Variants in PHF20 observed in about 807,000 individuals in gnomAD.
The protein encoded by PHF20 is PHD finger protein 20, also known as glioma-expressed antigen 2.
PHF20 carries 23 observed loss-of-function variants against 113.5 expected under a neutral mutation model. That is an observed-to-expected ratio of 0.20 (90% CI 0.15 to 0.29). PHF20 has a LOEUF of 0.29. Ranked by LOEUF, PHF20 falls within the 10% of genes least tolerant of loss-of-function variation. The probability of loss-of-function intolerance (pLI) is 1.00; values close to 1 mark genes in which losing one functional copy is unlikely to be tolerated. For synonymous variants in PHF20, 434 were observed against 457.3 expected (o/e 0.95, Z 0.65); for missense variants, 943 against 1,219.6 (o/e 0.77, Z 3.38).
chr20:35,901,490 G>A (rs912207072), intron 10 of PHF20, among the ~76,000 whole-genome samples: 1 of 151,758 alleles, frequency 6.6e-6, no homozygotes, highest in Non-Finnish European at 1.5e-5. Context: ...GTAAGAAACT[G>A]CAGAGAGATA....
intron 1 of PHF20, among the ~76,000 whole-genome samples, chr20:35,795,834 A>G (rs899001615): frequency 1.3e-5 from 2 of 152,048 alleles, no homozygotes; most frequent in African/African-American, 4.8e-5. Flanking sequence ...TAAATTGGTT[A>G]ATATATGTAA....
chr20:35,813,739 T>C (rs369856345), intron 2 of PHF20, among the ~76,000 whole-genome samples: 4 of 152,064 alleles, frequency 2.6e-5, no homozygotes, highest in African/African-American at 7.2e-5. Flanking sequence ...GCACTTGTAG[T>C]CTCAGCTACT....
intron 16 of PHF20, among the ~76,000 whole-genome samples, chr20:35,940,511 A>C (rs1180669220): frequency 6.6e-6 from 1 of 151,516 alleles, no homozygotes; most frequent in Non-Finnish European, 1.5e-5. Flanking sequence ...CTGAGACTTG[A>C]AACGCGTTGG....
chr20:35,830,104 G>A (rs887007344), intron 2 of PHF20, among the ~76,000 whole-genome samples: 1 of 151,918 alleles, frequency 6.6e-6, no homozygotes, highest in African/African-American at 2.4e-5. Context: ...AGTAGAGACG[G>A]GGTTTCACCA....
At chr20:35,852,331 T>A (rs2042747694) in intron 4 of PHF20, among the ~76,000 whole-genome samples, 1 of 152,178 alleles carries the variant, frequency 6.6e-6, no homozygotes, top group African/African-American at 2.4e-5. Context: ...GGAGCCGGTG[T>A]TGTCTTGAGA....
chr20:35,877,106 CA>C (rs760494622), intron 9 of PHF20, among the ~76,000 whole-genome samples: 2,322 of 32,352 alleles, frequency 0.072, 12 homozygotes, highest in Non-Finnish European at 0.09. Flanking sequence ...GACTCTGTCT[CA>C]AAAAAAAAAA....
chr20:35,899,582 C>T lies in PHF20; in HGVS notation c.1495C>T (p.Pro499Ser), dbSNP rs1806726745. Residue 499 changes from proline (P) to serine (S), a missense_variant, in exon 10 of 18, where the codon CCT becomes TCT. Coordinates refer to ENST00000374012, the MANE Select transcript of PHF20 (RefSeq NM_016436.5). ...PGKRHVQTRGPSASDKPSQET... is the reference protein window; with the variant it reads ...PGKRHVQTRGSSASDKPSQET... ...AAAGAGGCATGTCCAAACCAGGGGC[C>T]CTTCAGCTTCAGACAAGCCCAGCCA... 1.9e-6 allele frequency: 3 copies of T among 1,614,026 alleles called. No homozygotes were observed. The highest frequency in any genetic ancestry group is 2.7e-5 in the African/African-American group (2 of 74,914).
chr20:35,872,774 A>G (rs976532510), intron 9 of PHF20, among the ~76,000 whole-genome samples: 1 of 152,134 alleles, frequency 6.6e-6, no homozygotes, highest in African/African-American at 2.4e-5. Flanking sequence ...TAGGATTTCA[A>G]TCTTTTTATA....
At position 35,940,885 on chromosome 20, in the gene PHF20, A is replaced by G; in HGVS notation, c.2734A>G (p.Lys912Glu). 2 of 1,613,694 alleles carry G rather than the reference A, an allele frequency of 1.2e-6. No homozygotes were observed. Among genetic ancestry groups the G allele is most frequent in the Non-Finnish European group, 1.7e-6 (2 of 1,179,804 alleles). Residue 912 changes from lysine to glutamate, a missense_variant, in exon 17 of 18, where the codon AAG becomes GAG. Physicochemically the swap from Lys to Glu is moderately conservative, Grantham distance 56. This residue lies in a region of PHF20 where 349 missense variants were observed against 412.3 expected (regional missense o/e 0.85). Transcript: ENST00000374012. ...SPKVKEYVSK[K>E]ALPEEAPARK... ...CCAGGTGAAGGAATATGTCTCCAAA[A>G]AGGCCCTACCAGAAGAAGCCCCTGC...
intron 2 of PHF20, among the ~76,000 whole-genome samples, chr20:35,832,466 C>G (rs979380134): frequency 6.6e-6 from 1 of 152,112 alleles, no homozygotes; most frequent in African/African-American, 2.4e-5. Context: ...TAAACACAAA[C>G]AAATGAAATA....
intron 4 of PHF20, chr20:35,850,913 C>T: frequency 1.5e-6 from 1 of 680,528 alleles, no homozygotes; most frequent in East Asian, 3.4e-5. Context: ...CCAAGGGAAA[C>T]ATCGTGAAGG....
At chr20:35,939,998 A>G (rs1568803251) in intron 16 of PHF20, among the ~76,000 whole-genome samples, 1 of 152,056 alleles carries the variant, frequency 6.6e-6, no homozygotes, top group Non-Finnish European at 1.5e-5. Flanking sequence ...TCAGCCCCTT[A>G]CTGTGTGATT....
chr20:35,798,346 G>A (rs937394529), intron 1 of PHF20, among the ~76,000 whole-genome samples: 2 of 152,168 alleles, frequency 1.3e-5, no homozygotes, highest in African/African-American at 4.8e-5. Flanking sequence ...CCAGGAAGTC[G>A]AGGCTACAGT....
intron 1 of PHF20, among the ~76,000 whole-genome samples, chr20:35,773,151 G>T (rs552790892): frequency 6.6e-6 from 1 of 152,264 alleles, no homozygotes; most frequent in South Asian, 2.1e-4. Flanking sequence ...CCCCCCAAAT[G>T]TACGAGGTGA....
intron 2 of PHF20, among the ~76,000 whole-genome samples, chr20:35,806,382 A>C (rs1451405347): frequency 7.0e-6 from 1 of 142,954 alleles, no homozygotes; most frequent in African/African-American, 2.6e-5. Context: ...GCTGGTCTTG[A>C]ACTCCTGACC....
rs183666565 is a variant in PHF20 at position 35,790,992 on chromosome 20, G to A, written c.-32-10499G>A. Reference sequence around the variant, plus strand: ...TCCTGTCTCAGCCTCCTGAGTAGCTGGAATTACAGGCGTGTGCCACCATGC... The same window carrying A: ...TCCTGTCTCAGCCTCCTGAGTAGCTAGAATTACAGGCGTGTGCCACCATGC... On this transcript the variant is annotated intron_variant, in intron 1 of 17. Transcript: ENST00000374012. 7.2e-5 allele frequency among the ~76,000 whole-genome samples: 11 copies of A among 152,124 alleles called. No individual in the cohort carries two copies. In the East Asian group the frequency reaches 2.1e-3, roughly 29 times the overall value.
intron 5 of PHF20, among the ~76,000 whole-genome samples, chr20:35,861,128 C>T (rs1292886316): frequency 1.3e-5 from 2 of 150,852 alleles, no homozygotes; most frequent in South Asian, 2.1e-4. Context: ...AAAGGTTTTT[C>T]GTATACTATT....
chr20:35,804,179 G>C (rs1034064667), intron 2 of PHF20, among the ~76,000 whole-genome samples: 7 of 148,254 alleles, frequency 4.7e-5, no homozygotes, highest in African/African-American at 1.5e-4. Flanking sequence ...GGTTCAAGCA[G>C]TTCAGCCTCA....
chr20:35,847,581 T>C, intron 4 of PHF20, 147 bp downstream of exon 4: 1 of 573,656 alleles, frequency 1.7e-6, no homozygotes, highest in Non-Finnish European at 3.1e-6. Flanking sequence ...ATGTCAGGAG[T>C]TGGGTAGAAA....
Sources: allele counts gnomAD v4.1 joint callset (sites outside exome capture counted in the v4.1 genomes callset), GRCh38; gene constraint gnomAD v4.1.1; regional missense constraint gnomAD v4.1.1; transcripts MANE v1.5; gene names NCBI Gene and HGNC (gene_info 2026-07-23, HGNC 2026-07-21).